FAXDC2: variants seen among roughly 807,000 people sequenced by gnomAD.
FAXDC2 encodes the protein fatty acid hydroxylase domain-containing protein 2.
In FAXDC2, 41 loss-of-function variants were observed where a neutral mutation model predicts 40.9. The observed-to-expected ratio is 1.00, with a 90% confidence interval of 0.78 to 1.30. The LOEUF (loss-of-function observed/expected upper bound fraction) is 1.30, where lower values mean the gene tolerates loss of function less well. Among genes scored for constraint, FAXDC2 ranks in the 50% most tolerant of loss-of-function variants. The pLI is 0.00. For missense variants in FAXDC2, 390 were observed against 408.8 expected, an observed-to-expected ratio of 0.95 and a Z score of 0.40; for synonymous variants, 157 against 149.3, an observed-to-expected ratio of 1.05 and a Z score of -0.38.
chr5:154,844,151 G>C (rs904479573), intron 1 of FAXDC2, among the ~76,000 whole-genome samples: 1 of 151,990 alleles, frequency 6.6e-6, no homozygotes, highest in Admixed American at 6.6e-5. Context: ...CCAGGAGGTG[G>C]AGTCTGTAGT....
chr5:154,838,728 G>GC (rs1201512406), intron 1 of FAXDC2: 3 of 154,910 alleles, frequency 1.9e-5, no homozygotes, highest in Non-Finnish European at 4.3e-5. Context: ...CTCCTGAGTA[G>GC]CTGGGACTAC....
At chr5:154,831,581 T>C (rs931378713) in intron 4 of FAXDC2, among the ~76,000 whole-genome samples, 4 of 152,138 alleles carry the variant, frequency 2.6e-5, no homozygotes, top group Admixed American at 2.0e-4. Flanking sequence ...TCCTGAATAG[T>C]TGGGGCTACC....
rs767006472 is a variant in FAXDC2 at position 154,820,401 on chromosome 5, G to A, written c.917C>T (p.Thr306Ile). The stretch of plus-strand genomic sequence containing the variant: ...GAGGACATGTCTCTCGTAGGCCTTG[G>A]TCTGCTTGAACATGGTGTCAGTCCC... ...LHGTDTMFKQ[T>I]KAYERHVLLL... The change falls in exon 9 of 9, where the codon ACC becomes ATC. Residue 306 changes from threonine to isoleucine, a missense_variant. By Grantham distance (89) the Thr-to-Ile change is moderately conservative. Coordinates refer to ENST00000326080, the MANE Select transcript of FAXDC2 (RefSeq NM_032385.5). The A allele has an allele frequency of 6.2e-7, 1 of 1,612,576 alleles. No individual in the cohort carries two copies. The highest frequency in any genetic ancestry group is 1.1e-5 in the South Asian group (1 of 91,060).
At chr5:154,847,165 A>G (rs1440322343) in intron 1 of FAXDC2, among the ~76,000 whole-genome samples, 2 of 151,942 alleles carry the variant, frequency 1.3e-5, no homozygotes, top group African/African-American at 2.4e-5. Context: ...GGGTCTCCCT[A>G]TGTTGCCCAA....
chr5:154,825,860 G>T (rs1207082738), intron 5 of FAXDC2, among the ~76,000 whole-genome samples: 2 of 151,998 alleles, frequency 1.3e-5, no homozygotes, highest in Non-Finnish European at 2.9e-5. Flanking sequence ...TTTGGCCTGA[G>T]AAACTGGAAG....
chr5:154,820,452 AC>A lies in FAXDC2; in HGVS notation c.865del (p.Val289CysfsTer117). ...ATGGAGGTGGTCCAGCACACCCAGC[AC>A]CCCATAGCACTGGTTGAACCTAGAA... is the stretch of plus-strand genomic sequence containing the variant. ...HHLKFNQCYG[V>X]LGVLDHLHGT... On this transcript the variant is annotated frameshift_variant, in exon 9 of 9. Transcript: ENST00000326080. LOFTEE classifies it high-confidence loss of function. 2 of 1,611,590 alleles carry A rather than the reference AC, an allele frequency of 1.2e-6. No individual in the cohort carries two copies. The highest frequency in any genetic ancestry group is 1.7e-6 in the Non-Finnish European group (2 of 1,178,956).
rs768886460 is a variant in FAXDC2 at position 154,830,873 on chromosome 5, T to A, written c.294A>T (p.Leu98=). The A allele has an allele frequency of 6.2e-7, 1 of 1,614,096 alleles. No homozygotes were observed. The highest frequency in any genetic ancestry group is 8.5e-7 in the Non-Finnish European group (1 of 1,179,972). Residue 98 remains leucine (L), a synonymous_variant, in exon 5 of 9, where the codon CTA becomes CTT. Coordinates refer to ENST00000326080, the MANE Select transcript of FAXDC2 (RefSeq NM_032385.5). The part of the protein sequence containing the change: ...CLFFWSFNGL[L]LVVDTTGKPN... ...GTTTTCCTGTTGTGTCAACCACCAA[T>A]AGAAGCCCATTGAAGCTCCAGAAGA... is the stretch of plus-strand genomic sequence containing the variant.
At chr5:154,829,510 A>C (rs1030959352) in intron 5 of FAXDC2, 15 of 154,350 alleles carry the variant, frequency 9.7e-5, no homozygotes, top group African/African-American at 3.6e-4. Flanking sequence ...TCTGTTTCCT[A>C]GCAGCAATCT....
rs779533269 is a variant in FAXDC2, at chr5:154,822,557, A to G, written c.593T>C (p.Phe198Ser). The change falls in exon 7 of 9, where the codon TTC (phenylalanine) becomes TCC (serine). Residue 198 changes from phenylalanine to serine, a missense_variant. Phe to Ser is a radical substitution (Grantham distance 155). Transcript: ENST00000326080. ...YSHRLLHHPT[F>S]YKKIHKKHHE... ...GTGTTTCTTGTGGATTTTCTTGTAG[A>G]ATGTTGGGTGGTGAAGGAGCCTGGG... The G allele has an allele frequency of 9.3e-6, 15 of 1,613,930 alleles. No individual in the cohort carries two copies. Among genetic ancestry groups the G allele is most frequent in the African/African-American group, 1.3e-5 (1 of 74,906 alleles).
rs1759846400 is a variant in FAXDC2, at chr5:154,820,204, G to C, written c.*112C>G. On this transcript the variant is annotated 3_prime_UTR_variant, in exon 9 of 9. Coordinates refer to ENST00000326080, the MANE Select transcript of FAXDC2 (RefSeq NM_032385.5). ...AAGCCGACCTTCCCTCTACCCTGGT[G>C]GTGCCATCATTAGGGCGTGTGGCCG... 1 of 841,710 alleles carries C rather than the reference G, an allele frequency of 1.2e-6. No individual in the cohort carries two copies. Among genetic ancestry groups the C allele is most frequent in the Non-Finnish European group, 1.9e-6 (1 of 535,562 alleles). The allele number at this position is 841,710 out of a possible 1,614,324, so 52.1% of individuals were successfully genotyped here.
At chr5:154,846,748 G>GT (rs1760608872) in intron 1 of FAXDC2, among the ~76,000 whole-genome samples, 1 of 151,844 alleles carries the variant, frequency 6.6e-6, no homozygotes, top group Non-Finnish European at 1.5e-5. Flanking sequence ...ATATTCTATT[G>GT]TGAGTTTATC....
intron 4 of FAXDC2, among the ~76,000 whole-genome samples, chr5:154,833,350 GT>G (rs750032741): frequency 4.5e-4 from 57 of 125,800 alleles, no homozygotes; most frequent in Admixed American, 5.5e-4. Context: ...CTTAATTTTT[GT>G]TTTTTTTTTT....
At position 154,822,533 on chromosome 5, in the gene FAXDC2, T is replaced by A. The variant is rs1042011403; in HGVS notation, c.617A>T (p.His206Leu). The change falls in exon 7 of 9, where the codon CAC becomes CTC. Residue 206 changes from histidine (H) to leucine (L), a missense_variant. Transcript: ENST00000326080. ...PTFYKKIHKK[H>L]HEWTAPIGVI... ...GCCAATGGGAGCTGTCCACTCATGG[T>A]GTTTCTTGTGGATTTTCTTGTAGAA... 5 of 1,614,068 alleles carry A rather than the reference T, an allele frequency of 3.1e-6. No individual in the cohort carries two copies. Among genetic ancestry groups the A allele is most frequent in the Non-Finnish European group, 4.2e-6 (5 of 1,180,030 alleles).
chr5:154,825,083 G>A (rs985437861), intron 5 of FAXDC2, among the ~76,000 whole-genome samples: 8 of 143,374 alleles, frequency 5.6e-5, no homozygotes, highest in South Asian at 2.3e-4. Flanking sequence ...AAAAAAAAAG[G>A]GCCAGTCGCT....
chr5:154,844,609 G>A (rs1264596542), intron 1 of FAXDC2, among the ~76,000 whole-genome samples: 4 of 152,116 alleles, frequency 2.6e-5, no homozygotes, highest in Non-Finnish European at 5.9e-5. Context: ...GTTATTGTCT[G>A]ATGGTTTCTT....
At chr5:154,844,382 CAAA>C (rs1227960252) in intron 1 of FAXDC2, among the ~76,000 whole-genome samples, 13 of 90,112 alleles carry the variant, frequency 1.4e-4, no homozygotes, top group Non-Finnish European at 1.8e-4. Context: ...ACCCTGCCTC[CAAA>C]AAAAAAAAAA....
intron 5 of FAXDC2, chr5:154,824,205 C>T (rs1759962866): frequency 4.4e-6 from 2 of 459,722 alleles, no homozygotes; most frequent in South Asian, 2.6e-5. Flanking sequence ...CTGTACAGAG[C>T]TGGTCCCAAG....
chr5:154,827,459 G>GTGTGTGTGTA (rs772492255), intron 5 of FAXDC2, among the ~76,000 whole-genome samples: 1 of 149,898 alleles, frequency 6.7e-6, no homozygotes, highest in Non-Finnish European at 1.5e-5. Context: ...GTGTGTGTGT[G>GTGTGTGTGTA]TATGTCTGTT....
intron 1 of FAXDC2, among the ~76,000 whole-genome samples, chr5:154,841,739 CTTT>C (rs796908969): frequency 6.5e-5 from 9 of 139,302 alleles, no homozygotes; most frequent in Non-Finnish European, 6.3e-5. Flanking sequence ...AAGTCATATT[CTTT>C]TTTTTTTTTT....
Sources: allele counts gnomAD v4.1 joint callset (sites outside exome capture counted in the v4.1 genomes callset), GRCh38; gene constraint gnomAD v4.1.1; transcripts MANE v1.5; gene names NCBI Gene and HGNC (gene_info 2026-07-23, HGNC 2026-07-21).